The following MEGF11 variants were observed in gnomAD, a reference collection of about 807,000 sequenced individuals.
MEGF11 encodes multiple epidermal growth factor-like domains protein 11.
MEGF11 carries 126 observed loss-of-function variants against 146.6 expected under a neutral mutation model. That is an observed-to-expected ratio of 0.86 (90% CI 0.74 to 1.00). The LOEUF (loss-of-function observed/expected upper bound fraction) is 1.00. Among genes scored for constraint, MEGF11 ranks in the 50% least tolerant of loss-of-function variants. The pLI is 0.00. For missense variants in MEGF11, 1,509 were observed against 1,521.2 expected (o/e 0.99, Z 0.13); for synonymous variants, 532 against 583.4 (o/e 0.91, Z 1.27).
chr15:66,108,035 T>C (rs1378001894), intron 4 of MEGF11, among the ~76,000 whole-genome samples: 1 of 152,008 alleles, frequency 6.6e-6, no homozygotes, highest in Non-Finnish European at 1.5e-5. Context: ...CAAGGACCAG[T>C]ATGCAAAAAC....
At chr15:65,907,767 G>A in intron 23 of MEGF11, among the ~76,000 whole-genome samples, 1 of 152,236 alleles carries the variant, frequency 6.6e-6, no homozygotes, top group East Asian at 1.9e-4. Context: ...TACAGAACAG[G>A]GAACAGGCCC....
At chr15:65,996,238 G>A (rs114754452) in intron 5 of MEGF11, among the ~76,000 whole-genome samples, 2 of 152,324 alleles carry the variant, frequency 1.3e-5, no homozygotes, top group African/African-American at 4.8e-5. Context: ...AATCCGTAGG[G>A]CAGGGATGAG....
chr15:65,935,481 G>GAATTGGAGGGCACCCA (rs2079748700), intron 10 of MEGF11, among the ~76,000 whole-genome samples: 1 of 152,014 alleles, frequency 6.6e-6, no homozygotes, highest in African/African-American at 2.4e-5. Context: ...TGTCAGAATT[G>GAATTGGAGGGCACCCA]AATTGGAGGG....
At chr15:66,122,629 C>T (rs1597104952) in intron 3 of MEGF11, among the ~76,000 whole-genome samples, 2 of 152,358 alleles carry the variant, frequency 1.3e-5, no homozygotes, top group Non-Finnish European at 2.9e-5. Context: ...GCTAGTCTCT[C>T]ACCCTTCAAA....
At chr15:65,964,882 C>T (rs553364722) in intron 9 of MEGF11, 26 bp downstream of exon 9, 43 of 1,467,070 alleles carry the variant, frequency 2.9e-5, no homozygotes, top group East Asian at 2.8e-4. Context: ...GCCCTTGTCC[C>T]GGGCTCGCCC....
intron 1 of MEGF11, among the ~76,000 whole-genome samples, chr15:66,171,950 C>T (rs2090269374): frequency 6.6e-6 from 1 of 152,214 alleles, no homozygotes; most frequent in Non-Finnish European, 1.5e-5. Context: ...ATTCCCGGCG[C>T]CTCCAGCTCC....
At chr15:66,193,740 G>A (rs1030022403) in intron 1 of MEGF11, among the ~76,000 whole-genome samples, 76 of 151,892 alleles carry the variant, frequency 5.0e-4, no homozygotes, top group Admixed American at 5.0e-3. Flanking sequence ...ATATACCAAG[G>A]GAAGGCTGTA....
intron 3 of MEGF11, among the ~76,000 whole-genome samples, chr15:66,120,004 T>A (rs983674655): frequency 2.0e-4 from 30 of 152,230 alleles, no homozygotes; most frequent in African/African-American, 6.8e-4. Context: ...TTTTTTTATG[T>A]TCCCCTCAAC....
At chr15:65,946,172 G>A (rs2080184682) in intron 10 of MEGF11, among the ~76,000 whole-genome samples, 1 of 152,182 alleles carries the variant, frequency 6.6e-6, no homozygotes, top group African/African-American at 2.4e-5. Context: ...TGCAAGAAGA[G>A]GCTATGATTT....
chr15:65,961,936 C>T (rs2080870270), intron 9 of MEGF11, among the ~76,000 whole-genome samples: 1 of 152,114 alleles, frequency 6.6e-6, no homozygotes, highest in Admixed American at 6.6e-5. Context: ...AACATTTCCC[C>T]CACTGGGTTG....
intron 10 of MEGF11, among the ~76,000 whole-genome samples, chr15:65,954,339 C>T (rs1434258900): frequency 1.3e-5 from 2 of 152,202 alleles, no homozygotes; most frequent in African/African-American, 4.8e-5. Flanking sequence ...CTGATTGCTC[C>T]TACTTTGACC....
At position 65,922,899 on chromosome 15, in the gene MEGF11, C is replaced by T; in HGVS notation, c.1746G>A (p.Glu582=). The change falls in exon 14 of 26, where the codon GAG becomes GAA. Residue 582 remains glutamate, a synonymous_variant. Transcript: ENST00000395614. The part of the protein sequence containing the change: ...GPNCSVSCSC[E]NGGSCSPEDG... ...CCTCTGGGGAGCAGGAGCCTCCATTCTCACAGCTGCAGGAGACAGAGCAGT... is the reference window on the plus strand; with the variant it reads ...CCTCTGGGGAGCAGGAGCCTCCATTTTCACAGCTGCAGGAGACAGAGCAGT... The T allele has an allele frequency of 6.2e-7, 1 of 1,613,132 alleles. No homozygotes were observed.
chr15:66,083,890 C>T (rs1341265290), intron 5 of MEGF11, among the ~76,000 whole-genome samples: 2 of 152,112 alleles, frequency 1.3e-5, no homozygotes, highest in Non-Finnish European at 2.9e-5. Context: ...GCCCTCCAGT[C>T]GGGTGACAAA....
chr15:66,213,573 T>C (rs1202523133), intron 1 of MEGF11, among the ~76,000 whole-genome samples: 2 of 146,714 alleles, frequency 1.4e-5, no homozygotes, highest in Non-Finnish European at 3.0e-5. Context: ...TCCTTTTCCA[T>C]CCAGAAACTT....
rs189119370 is a variant in MEGF11, at chr15:66,136,044, A to G, written c.-8-7633T>C. On this transcript the variant is annotated intron_variant, in intron 1 of 25. Coordinates refer to ENST00000395614, the MANE Select transcript of MEGF11 (RefSeq NM_001385028.1). Reference sequence around the variant, plus strand: ...CACCCTTGCACTTCAGGTTTGCGCCATCTCCCAGCTGCAGGGAGATAATGC... The same window carrying G: ...CACCCTTGCACTTCAGGTTTGCGCCGTCTCCCAGCTGCAGGGAGATAATGC... Among the ~76,000 whole-genome samples the G allele has an allele frequency of 1.8e-3, 280 of 152,238 alleles. 3 individuals carry two copies. The highest frequency in any genetic ancestry group is 5.8e-3 in the African/African-American group (241 of 41,554).
At chr15:66,157,902 G>A (rs1034575840) in intron 1 of MEGF11, among the ~76,000 whole-genome samples, 9 of 152,152 alleles carry the variant, frequency 5.9e-5, no homozygotes, top group Non-Finnish European at 1.3e-4. Context: ...AATGAAAGAG[G>A]GGTGTAAGGT....
chr15:65,918,115 G>T (rs982295688), intron 15 of MEGF11, 21 bp from the exon 16 acceptor site: 9 of 1,612,710 alleles, frequency 5.6e-6, no homozygotes, highest in Non-Finnish European at 7.6e-6. Context: ...AGGGCAGCCT[G>T]GCACCCATCC....
chr15:65,988,454 T>C (rs2081937686), intron 5 of MEGF11, among the ~76,000 whole-genome samples: 1 of 152,242 alleles, frequency 6.6e-6, no homozygotes, highest in Non-Finnish European at 1.5e-5. Context: ...CTTCATTCCT[T>C]TTTATGACAG....
chr15:65,905,830 T>A (rs1039767223), intron 24 of MEGF11: 1 of 392,940 alleles, frequency 2.5e-6, no homozygotes, highest in Non-Finnish European at 4.5e-6. Flanking sequence ...AGACATTTAG[T>A]TGGCATCTAT....
Sources: allele counts gnomAD v4.1 joint callset (sites outside exome capture counted in the v4.1 genomes callset), GRCh38; gene constraint gnomAD v4.1.1; transcripts MANE v1.5; gene names NCBI Gene and HGNC (gene_info 2026-07-23, HGNC 2026-07-21).